Variants in KLF9 observed in about 807,000 individuals in gnomAD.
KLF9 encodes Krueppel-like factor 9.
A neutral mutation model predicts 17.3 loss-of-function variants in KLF9; 2 were observed. The observed-to-expected ratio is 0.12, with a 90% CI of 0.05 to 0.36. The LOEUF is 0.36. KLF9 is among the 10% of genes least tolerant of loss of function. The pLI, the probability that KLF9 is intolerant of heterozygous loss-of-function variation, is 1.00. For missense variants in KLF9, 226 were observed against 333.2 expected (o/e 0.68, Z 2.51); for synonymous variants, 138 against 139.2 (o/e 0.99, Z 0.06).
Position 70,413,269 on chromosome 9 carries a change from T to A in KLF9, c.95A>T (p.Asp32Val). The A allele has an allele frequency of 6.2e-7, 1 of 1,613,356 alleles. No individual in the cohort carries two copies. The highest frequency in any genetic ancestry group is 8.5e-7 in the Non-Finnish European group (1 of 1,179,934). ...CTCAGGTAGTCGCAGCCGCTCGGCG[T>A]CCGGAGCGACCCCATGCTCCGGCAC... Reference protein sequence around the residue: ...AAVPEHGVAPDAERLRLPERE... With the variant: ...AAVPEHGVAPVAERLRLPERE... The change falls in exon 1 of 2, where the codon GAC (aspartate) becomes GTC (valine). Residue 32 changes from aspartate (D) to valine (V), a missense_variant. Coordinates refer to ENST00000377126, the MANE Select transcript of KLF9 (RefSeq NM_001206.4). The surrounding 1 kb of genome is among the most constrained non-coding windows in gnomAD (Gnocchi z 5.6).
At position 70,414,578 on chromosome 9, in the gene KLF9, G is replaced by A. The variant is rs544875537; in HGVS notation, c.-1215C>T. On this transcript the variant is annotated 5_prime_UTR_variant, in exon 1 of 2. Transcript: ENST00000377126. ...TTATGGATGAGAGGACAGGGGTGAT[G>A]AATAAATGCAGTGTGAATCTATAAT... The A allele has an allele frequency of 9.8e-5, 15 of 152,288 alleles. No homozygotes were observed. The highest frequency in any genetic ancestry group is 3.6e-4 in the African/African-American group (15 of 41,560). 9.4% of individuals were successfully genotyped at this position (152,288 alleles called of 1,614,324 possible).
intron 1 of KLF9, among the ~76,000 whole-genome samples, chr9:70,389,948 G>A (rs1250882652): frequency 6.6e-6 from 1 of 152,184 alleles, no homozygotes; most frequent in Non-Finnish European, 1.5e-5. Context: ...TCCTGTCCCG[G>A]CCTTCCCAGA....
chr9:70,395,722 T>C (rs1472887192), intron 1 of KLF9, among the ~76,000 whole-genome samples: 1 of 152,020 alleles, frequency 6.6e-6, no homozygotes, highest in Admixed American at 6.6e-5. Context: ...GGCAGGCAGA[T>C]TGCTCGAGCC....
At position 70,392,834 on chromosome 9, in the gene KLF9, A is replaced by T. The variant is rs148745208; in HGVS notation, c.506-4829T>A. Among the ~76,000 whole-genome samples, 17 of 152,274 alleles carry T rather than the reference A, an allele frequency of 1.1e-4. 1 individual carries two copies. In the East Asian group the frequency reaches 2.7e-3, roughly 24 times the overall value. ...CAGCAATGCAACTATCAATTAGAGA[A>T]TCTTTAAACCTGTCTTTAGTATTAA... On this transcript the variant is annotated intron_variant, in intron 1 of 1. Transcript: ENST00000377126.
intron 1 of KLF9, among the ~76,000 whole-genome samples, chr9:70,412,276 A>C (rs2037324151): frequency 6.7e-6 from 1 of 149,390 alleles, no homozygotes; most frequent in South Asian, 2.1e-4. Context: ...CCATTACTTG[A>C]TCAGACTCCT....
intron 1 of KLF9, among the ~76,000 whole-genome samples, chr9:70,411,562 C>T (rs530193578): frequency 6.6e-6 from 1 of 152,302 alleles, no homozygotes; most frequent in African/African-American, 2.4e-5. Context: ...GTGCCAGCAG[C>T]CACCTCCACA....
intron 1 of KLF9, among the ~76,000 whole-genome samples, chr9:70,391,292 T>C (rs548897488): frequency 6.6e-6 from 1 of 152,352 alleles, no homozygotes; most frequent in South Asian, 2.1e-4. Context: ...ATTAAGTTTC[T>C]ATGCTTGTGA....
At chr9:70,403,898 A>T (rs1475799857) in intron 1 of KLF9, among the ~76,000 whole-genome samples, 2 of 152,218 alleles carry the variant, frequency 1.3e-5, no homozygotes, top group Non-Finnish European at 2.9e-5. Flanking sequence ...GAACAACAAG[A>T]GTAGACAGCT....
At chr9:70,404,612 T>TAAA (rs1448068745) in intron 1 of KLF9, among the ~76,000 whole-genome samples, 1 of 151,752 alleles carries the variant, frequency 6.6e-6, no homozygotes, top group Non-Finnish European at 1.5e-5. Context: ...CTCAAAATCA[T>TAAA]AATAATAATA....
intron 1 of KLF9, among the ~76,000 whole-genome samples, chr9:70,405,348 A>G (rs1434598749): frequency 6.6e-6 from 1 of 152,184 alleles, no homozygotes; most frequent in East Asian, 1.9e-4. Flanking sequence ...CTTGTCACTA[A>G]TTTTGTATGG....
chr9:70,401,843 C>T (rs529643206), intron 1 of KLF9, among the ~76,000 whole-genome samples: 42 of 150,664 alleles, frequency 2.8e-4, no homozygotes, highest in African/African-American at 9.8e-4. Flanking sequence ...GGTAAAACCC[C>T]GTCTCTACTA....
chr9:70,408,499 T>A (rs1342315795), intron 1 of KLF9, among the ~76,000 whole-genome samples: 1 of 152,054 alleles, frequency 6.6e-6, no homozygotes, highest in African/African-American at 2.4e-5. Context: ...GTTCCACTCA[T>A]GAAGAGAAGA....
intron 1 of KLF9, among the ~76,000 whole-genome samples, chr9:70,389,542 G>A (rs945421324): frequency 4.6e-5 from 7 of 152,084 alleles, no homozygotes; most frequent in Non-Finnish European, 5.9e-5. Context: ...CCCTCTTTCC[G>A]ATTGCTTTCC....
chr9:70,389,341 T>C (rs557188916), intron 1 of KLF9, among the ~76,000 whole-genome samples: 1 of 152,210 alleles, frequency 6.6e-6, no homozygotes, highest in South Asian at 2.1e-4. Context: ...CACTGAATTT[T>C]CACAAGCACT....
In KLF9 at chr9:70,413,012, C is replaced by T. The variant is rs150349125; in HGVS notation, c.352G>A (p.Gly118Ser). ...AGGGAGAGCGGGCTGGGCGCGCTGC[C>T]AGGATCCTGTCTCTCCTCCGGGCTG... ...SHSPEERQDP[G>S]SAPSPLSLLH... is the part of the protein sequence containing the mutation. The change falls in exon 1 of 2, where the codon GGC (glycine) becomes AGC (serine). Residue 118 changes from glycine (G) to serine (S), a missense_variant. Gly to Ser is a moderately conservative substitution (Grantham distance 56). Coordinates refer to ENST00000377126, the MANE Select transcript of KLF9 (RefSeq NM_001206.4). The surrounding 1 kb of genome is among the most constrained non-coding windows in gnomAD (Gnocchi z 5.6). 3 of 1,614,046 alleles carry T rather than the reference C, an allele frequency of 1.9e-6. No individual in the cohort carries two copies. The African/African-American group carries it at 4.0e-5, about 22-fold the overall frequency.
At position 70,387,719 on chromosome 9, in the gene KLF9, T is replaced by C. The variant is rs1438189392; in HGVS notation, c.*57A>G. 4.0e-6 allele frequency: 6 copies of C among 1,487,924 alleles called. No homozygotes were observed. The Admixed American group carries it at 5.0e-5, about 13-fold the overall frequency. 92.2% of individuals were successfully genotyped at this position (1,487,924 alleles called of 1,614,324 possible). A position where few individuals can be genotyped will look rare whatever the true frequency, so the allele number is the denominator to read the frequency against. On this transcript the variant is annotated 3_prime_UTR_variant, in exon 2 of 2. Coordinates refer to ENST00000377126, the MANE Select transcript of KLF9 (RefSeq NM_001206.4). Reference sequence around the variant, plus strand: ...GCTCAGTTTTCACGCGTCTGTTTCCTGGGAGTACTTTTCTCCTTTCGGGGT... The same window carrying C: ...GCTCAGTTTTCACGCGTCTGTTTCCCGGGAGTACTTTTCTCCTTTCGGGGT...
At chr9:70,409,885 T>C (rs1253956629) in intron 1 of KLF9, among the ~76,000 whole-genome samples, 1 of 152,238 alleles carries the variant, frequency 6.6e-6, no homozygotes, top group Non-Finnish European at 1.5e-5. Context: ...AAAATAAGTT[T>C]ATCCAGTGTT....
At chr9:70,388,378 C>T (rs931913520) in intron 1 of KLF9, among the ~76,000 whole-genome samples, 47 of 152,136 alleles carry the variant, frequency 3.1e-4, no homozygotes, top group Non-Finnish European at 5.0e-4. Context: ...ATGAAACGAA[C>T]CCGTCCCCTG....
At chr9:70,402,638 G>A (rs2037229488) in intron 1 of KLF9, among the ~76,000 whole-genome samples, 1 of 152,146 alleles carries the variant, frequency 6.6e-6, no homozygotes, top group African/African-American at 2.4e-5. Flanking sequence ...GCCAGTGGGT[G>A]TTTGCCTAAG....
Sources: gnomAD v4.1 joint callset for allele counts (sites outside exome capture counted in the v4.1 genomes callset) on GRCh38, gnomAD v4.1.1 for gene constraint, Gnocchi (gnomAD v3.1) non-coding constraint, MANE v1.5 for transcripts, NCBI Gene and HGNC (gene_info 2026-07-23, HGNC 2026-07-21) for gene names.